The following ATOX1 variants were observed in gnomAD, a reference collection of about 807,000 sequenced individuals.
The protein encoded by ATOX1 is copper transport protein ATOX1.
Under a neutral mutation model 7.3 loss-of-function variants are expected in ATOX1, and 4 were observed. The ratio of observed to expected loss-of-function variants is 0.55; its 90% CI spans 0.27 to 1.25. ATOX1 has a LOEUF of 1.25. Among genes scored for constraint, ATOX1 ranks in the 50% most tolerant of loss-of-function variants. The pLI, the probability that ATOX1 is intolerant of heterozygous loss-of-function variation, is 0.12. For missense variants in ATOX1, 68 were observed against 81.6 expected (o/e 0.83, Z 0.64); for synonymous variants, 25 against 28.7 (o/e 0.87, Z 0.41).
intron 2 of ATOX1, among the ~76,000 whole-genome samples, chr5:151,748,777 C>G (rs1398441646): frequency 6.6e-6 from 1 of 152,142 alleles, no homozygotes; most frequent in Non-Finnish European, 1.5e-5. Flanking sequence ...AGGAGAATCA[C>G]TTGAACCTGG....
At position 151,746,419 on chromosome 5, in the gene ATOX1, T is replaced by C. The variant is rs369490034; in HGVS notation, c.113A>G (p.Lys38Arg). 1.2e-6 allele frequency: 2 copies of C among 1,613,786 alleles called. No homozygotes were observed. Among genetic ancestry groups the C allele is most frequent in the Admixed American group, 3.3e-5 (2 of 60,002 alleles). Residue 38 changes from lysine to arginine, a missense_variant, in exon 3 of 4, where the codon AAG becomes AGG. Coordinates refer to ENST00000313115, the MANE Select transcript of ATOX1 (RefSeq NM_004045.4). ...GTGCTCAGATTCAATGCAGACCTTC[T>C]TGTTGGGCAGGTCAATGTCATACTT... ...GVKYDIDLPN[K>R]KVCIESEHSM...
At chr5:151,743,137 G>C (rs769485288) in intron 3 of ATOX1, 178 bp from the exon 4 acceptor site, 1 of 152,302 alleles carries the variant, frequency 6.6e-6, no homozygotes, top group African/African-American at 2.4e-5. Flanking sequence ...AGCAGGACTA[G>C]AGCCCCAGTG....
chr5:151,746,473 T>C (rs1226966067), intron 2 of ATOX1, 24 bp from the exon 3 acceptor site: 10 of 1,613,084 alleles, frequency 6.2e-6, no homozygotes, highest in Middle Eastern at 1.6e-4. Flanking sequence ...AAATGGGGTA[T>C]GGGGAGAGGA....
chr5:151,747,669 C>T (rs939415838), intron 2 of ATOX1, among the ~76,000 whole-genome samples: 3 of 152,046 alleles, frequency 2.0e-5, no homozygotes, highest in African/African-American at 7.3e-5. Flanking sequence ...TCATTGTAGC[C>T]TGACTCCCGG....
chr5:151,755,841 T>A (rs1489142929), intron 1 of ATOX1, among the ~76,000 whole-genome samples: 1 of 152,122 alleles, frequency 6.6e-6, no homozygotes, highest in Non-Finnish European at 1.5e-5. Context: ...TGGTTCCTCA[T>A]GGCCTCTGGG....
intron 2 of ATOX1, among the ~76,000 whole-genome samples, chr5:151,748,486 C>G (rs1761905302): frequency 1.3e-5 from 2 of 152,206 alleles, no homozygotes. Context: ...TCTCAAGAGG[C>G]CACCCAAGCA....
At chr5:151,753,689 C>G (rs1474997307) in intron 1 of ATOX1, 2 of 152,178 alleles carry the variant, frequency 1.3e-5, no homozygotes, top group Non-Finnish European at 2.9e-5. Context: ...TAGGAAGAAT[C>G]TGGGGACCTT....
chr5:151,757,617 C>T (rs1257391780), intron 1 of ATOX1, among the ~76,000 whole-genome samples: 1 of 152,188 alleles, frequency 6.6e-6, no homozygotes, highest in Middle Eastern at 3.2e-3. Context: ...ATGAATTAGG[C>T]ACCCTGAAGA....
chr5:151,751,023 G>C (rs943091163), intron 2 of ATOX1, among the ~76,000 whole-genome samples: 5 of 151,794 alleles, frequency 3.3e-5, no homozygotes, highest in Non-Finnish European at 5.9e-5. Flanking sequence ...TTGGGAGGCC[G>C]AGGCGGGCAG....
intron 1 of ATOX1, among the ~76,000 whole-genome samples, chr5:151,757,286 C>G (rs1369431483): frequency 5.9e-5 from 9 of 152,304 alleles, no homozygotes; most frequent in East Asian, 3.9e-4. Context: ...ATCAAGCTAG[C>G]CTTTTCCTCA....
At position 151,751,883 on chromosome 5, in the gene ATOX1, T is replaced by C. The variant is rs916817703; in HGVS notation, c.7-104A>G. ...GGGTCAAGACAGAAGACAGAGAGAC[T>C]GGGCAGGACCTGGTTGGCATCAGAC... On this transcript the variant is annotated intron_variant, in intron 1 of 3. Transcript: ENST00000313115. 3.1e-5 allele frequency: 36 copies of C among 1,157,612 alleles called. No homozygotes were observed. The African/African-American group carries it at 5.1e-4, about 16-fold the overall frequency. The allele number at this position is 1,157,612 out of a possible 1,614,324, so 71.7% of individuals were successfully genotyped here. A position where few individuals can be genotyped will look rare whatever the true frequency, so the allele number is the denominator to read the frequency against.
intron 1 of ATOX1, chr5:151,752,501 CAG>C (rs1006627116): frequency 3.2e-6 from 2 of 627,368 alleles, no homozygotes; most frequent in Non-Finnish European, 5.7e-6. Context: ...TCCCAGAAGA[CAG>C]AGGTTTTGTT....
intron 2 of ATOX1, among the ~76,000 whole-genome samples, chr5:151,748,775 C>A (rs111363965): frequency 0.012 from 1,760 of 152,178 alleles, 32 homozygotes; most frequent in African/African-American, 0.041. Flanking sequence ...GCAGGAGAAT[C>A]ACTTGAACCT....
intron 3 of ATOX1, 115 bp from the exon 4 acceptor site, chr5:151,743,074 G>C (rs1452395331): frequency 6.6e-6 from 1 of 152,628 alleles, no homozygotes; most frequent in East Asian, 1.9e-4. Context: ...TGCACTAAGA[G>C]TCTTGCACTA....
At chr5:151,747,222 A>G (rs1388314198) in intron 2 of ATOX1, among the ~76,000 whole-genome samples, 2 of 152,004 alleles carry the variant, frequency 1.3e-5, no homozygotes, top group African/African-American at 4.8e-5. Context: ...ATTCCTCCAA[A>G]TCGCATCACA....
Position 151,754,610 on chromosome 5 carries a change from T to TG in ATOX1, c.7-2832dup, listed in dbSNP as rs1434904302. Among the ~76,000 whole-genome samples, 3 of 151,464 alleles carry TG rather than the reference T, an allele frequency of 2.0e-5. No individual in the cohort carries two copies. The East Asian group carries it at 5.8e-4, about 29-fold the overall frequency. On this transcript the variant is annotated intron_variant, in intron 1 of 3. Coordinates refer to ENST00000313115, the MANE Select transcript of ATOX1 (RefSeq NM_004045.4). ...TTAATTTAAAAGAAAAAAATTGTTT[T>TG]GGAAAAAAAAATGATGATGCTCTGG...
chr5:151,746,021 C>A, intron 3 of ATOX1: 1 of 272,796 alleles, frequency 3.7e-6, no homozygotes, highest in Non-Finnish European at 7.2e-6. Flanking sequence ...AACTGCAACC[C>A]TCAAGTCTGA....
intron 3 of ATOX1, chr5:151,743,815 C>A (rs911603197): frequency 2.0e-5 from 3 of 152,090 alleles, no homozygotes; most frequent in African/African-American, 7.2e-5. Context: ...GCACTTTTAT[C>A]AAAAAATAAC....
chr5:151,754,697 A>C (rs1761990597), intron 1 of ATOX1, among the ~76,000 whole-genome samples: 1 of 152,002 alleles, frequency 6.6e-6, no homozygotes, highest in African/African-American at 2.4e-5. Flanking sequence ...AACATAGCCC[A>C]AATCGGGCCA....
Sources: allele counts gnomAD v4.1 joint callset (sites outside exome capture counted in the v4.1 genomes callset), GRCh38; gene constraint gnomAD v4.1.1; transcripts MANE v1.5; gene names NCBI Gene and HGNC (gene_info 2026-07-23, HGNC 2026-07-21).